SLC25A21: variants seen among roughly 807,000 people sequenced by gnomAD.
SLC25A21 encodes the protein solute carrier family 25 member 21.
SLC25A21 carries 47 observed loss-of-function variants against 43.8 expected under a neutral mutation model. That is an observed-to-expected ratio of 1.07 (90% CI 0.85 to 1.37). The LOEUF is 1.37. Among genes scored for constraint, SLC25A21 ranks in the 40% most tolerant of loss-of-function variants. The pLI is 0.00. For synonymous variants in SLC25A21, 131 were observed against 121.3 expected (o/e 1.08, Z -0.52); for missense variants, 352 against 350.2 (o/e 1.00, Z -0.04).
chr14:36,681,651 G>T (rs1317613756), intron 9 of SLC25A21, among the ~76,000 whole-genome samples: 8 of 139,784 alleles, frequency 5.7e-5, no homozygotes, highest in Non-Finnish European at 1.0e-4. Context: ...AGAAGACTTG[G>T]CTGCATGAAA....
At chr14:36,757,864 C>G (rs1340031083) in intron 3 of SLC25A21, among the ~76,000 whole-genome samples, 3 of 152,198 alleles carry the variant, frequency 2.0e-5, no homozygotes, top group Admixed American at 1.3e-4. Flanking sequence ...CTCCTTCAAA[C>G]CAGCTTATTG....
chr14:37,010,023 G>C (rs75296619), intron 1 of SLC25A21, among the ~76,000 whole-genome samples: 3,232 of 152,276 alleles, frequency 0.021, 108 homozygotes, highest in African/African-American at 0.074. Flanking sequence ...CAGAATATCT[G>C]CTTCAAATTA....
chr14:36,748,603 A>G (rs918307216), intron 3 of SLC25A21, among the ~76,000 whole-genome samples: 8 of 152,202 alleles, frequency 5.3e-5, no homozygotes, highest in African/African-American at 1.9e-4. Context: ...CCTTCAGTCA[A>G]TATCCTATGA....
Position 37,085,179 on chromosome 14 carries a change from T to C in SLC25A21, c.70+87102A>G, listed in dbSNP as rs571506647. Reference sequence around the variant, plus strand: ...CTTATTATTTAGATTTTTGCTCAAATAGTGGCATCTCAGAGACGCCTCCCC... The same window carrying C: ...CTTATTATTTAGATTTTTGCTCAAACAGTGGCATCTCAGAGACGCCTCCCC... On this transcript the variant is annotated intron_variant, in intron 1 of 9. Transcript: ENST00000331299. Among the ~76,000 whole-genome samples the C allele has an allele frequency of 2.0e-5, 3 of 152,296 alleles. No individual in the cohort carries two copies. The South Asian group carries it at 6.2e-4, about 32-fold the overall frequency.
At chr14:37,079,519 A>C (rs1962346089) in intron 1 of SLC25A21, among the ~76,000 whole-genome samples, 1 of 152,198 alleles carries the variant, frequency 6.6e-6, no homozygotes, top group Non-Finnish European at 1.5e-5. Context: ...TTTCCTCCAC[A>C]CAACCCTTGG....
At chr14:36,979,074 C>T (rs1959950243) in intron 1 of SLC25A21, among the ~76,000 whole-genome samples, 1 of 152,024 alleles carries the variant, frequency 6.6e-6, no homozygotes, top group Non-Finnish European at 1.5e-5. Context: ...GAAGACAGAG[C>T]AAGACCCTGT....
chr14:37,035,281 G>C (rs1217775035), intron 1 of SLC25A21, among the ~76,000 whole-genome samples: 2 of 152,158 alleles, frequency 1.3e-5, no homozygotes, highest in African/African-American at 4.8e-5. Context: ...TTTTGGACTG[G>C]GAAATACCGG....
chr14:37,111,991 C>T (rs1594798771), intron 1 of SLC25A21, among the ~76,000 whole-genome samples: 2 of 152,286 alleles, frequency 1.3e-5, no homozygotes, highest in African/African-American at 4.8e-5. Context: ...AATAATGATT[C>T]TGGCAATACT....
At chr14:37,160,150 C>G (rs1241007090) in intron 1 of SLC25A21, among the ~76,000 whole-genome samples, 2 of 152,090 alleles carry the variant, frequency 1.3e-5, no homozygotes, top group Non-Finnish European at 2.9e-5. Flanking sequence ...GGAAACCATA[C>G]AGAGATTTCA....
At chr14:36,852,580 A>C (rs1317318271) in intron 2 of SLC25A21, among the ~76,000 whole-genome samples, 1 of 152,178 alleles carries the variant, frequency 6.6e-6, no homozygotes, top group Non-Finnish European at 1.5e-5. Flanking sequence ...GAAATATGTA[A>C]TTTTCACAAA....
At chr14:36,880,052 C>G (rs1451249177) in intron 1 of SLC25A21, among the ~76,000 whole-genome samples, 2 of 152,142 alleles carry the variant, frequency 1.3e-5, no homozygotes, top group Admixed American at 1.3e-4. Flanking sequence ...TCTTAGTAGG[C>G]ATCCCCTCTT....
intron 1 of SLC25A21, among the ~76,000 whole-genome samples, chr14:36,890,824 A>C (rs556932123): frequency 1.3e-5 from 2 of 152,318 alleles, no homozygotes; most frequent in South Asian, 4.1e-4. Context: ...TGATTTAACA[A>C]CTGTTTAAGT....
At chr14:37,068,488 C>T (rs1962105998) in intron 1 of SLC25A21, among the ~76,000 whole-genome samples, 1 of 152,004 alleles carries the variant, frequency 6.6e-6, no homozygotes, top group Non-Finnish European at 1.5e-5. Flanking sequence ...ATGTGTTTTG[C>T]TGTAATTTTG....
intron 1 of SLC25A21, among the ~76,000 whole-genome samples, chr14:36,955,163 A>G: frequency 6.6e-6 from 1 of 152,210 alleles, no homozygotes; most frequent in African/African-American, 2.4e-5. Context: ...AAATGAAAGA[A>G]TGAATGGGCA....
intron 2 of SLC25A21, among the ~76,000 whole-genome samples, chr14:36,814,370 A>G (rs1888377483): frequency 8.5e-5 from 1 of 11,708 alleles, no homozygotes; most frequent in Non-Finnish European, 2.1e-3. Flanking sequence ...CAGTAGTGCT[A>G]TTTCTTATAA....
chr14:36,875,538 T>C (rs546575140), intron 1 of SLC25A21, among the ~76,000 whole-genome samples: 62 of 152,312 alleles, frequency 4.1e-4, no homozygotes, highest in African/African-American at 1.5e-3. Context: ...TAATAGAGAA[T>C]ATTTCTTGTG....
intron 1 of SLC25A21, among the ~76,000 whole-genome samples, chr14:37,127,461 T>G (rs940605604): frequency 1.3e-5 from 2 of 152,216 alleles, no homozygotes; most frequent in Non-Finnish European, 2.9e-5. Context: ...ACCTTTTCAG[T>G]TTTTTCTTTT....
intron 1 of SLC25A21, among the ~76,000 whole-genome samples, chr14:36,972,744 A>G (rs1959779739): frequency 6.6e-6 from 1 of 152,220 alleles, no homozygotes; most frequent in African/African-American, 2.4e-5. Flanking sequence ...AGCCTGGAGT[A>G]TATAGGGTAT....
chr14:36,718,523 CAA>C (rs1325204526), intron 6 of SLC25A21, among the ~76,000 whole-genome samples: 1 of 150,236 alleles, frequency 6.7e-6, no homozygotes, highest in Non-Finnish European at 1.5e-5. Context: ...CTCTCTCTCT[CAA>C]AAGAGATGAT....
Sources: allele counts gnomAD v4.1 joint callset (sites outside exome capture counted in the v4.1 genomes callset), GRCh38; gene constraint gnomAD v4.1.1; transcripts MANE v1.5; gene names NCBI Gene and HGNC (gene_info 2026-07-23, HGNC 2026-07-21).